Variants in ARHGEF3 observed in about 807,000 individuals in gnomAD.
ARHGEF3 encodes 59.8 kDA protein.
Under a neutral mutation model 63.2 loss-of-function variants are expected in ARHGEF3, and 28 were observed. That is an observed-to-expected ratio of 0.44 (90% CI 0.33 to 0.61). The LOEUF (loss-of-function observed/expected upper bound fraction) is 0.61, where lower values mean the gene tolerates loss of function less well. ARHGEF3 is among the 20% of genes least tolerant of loss of function. The pLI is 0.03. For synonymous variants in ARHGEF3, 266 were observed against 254.2 expected, an observed-to-expected ratio of 1.05 and a Z score of -0.44; for missense variants, 533 against 659.3, an observed-to-expected ratio of 0.81 and a Z score of 2.10.
chr3:56,840,236 A>T (rs895565912), intron 4 of ARHGEF3, among the ~76,000 whole-genome samples: 2 of 152,206 alleles, frequency 1.3e-5, no homozygotes, highest in African/African-American at 4.8e-5. Flanking sequence ...AACAACAGTC[A>T]ACAACAGGAA....
intron 1 of ARHGEF3, among the ~76,000 whole-genome samples, chr3:57,054,292 A>G (rs116311181): frequency 0.013 from 1,991 of 152,140 alleles, 44 homozygotes; most frequent in African/African-American, 0.046. Flanking sequence ...TCATTTGGAT[A>G]TTCATTTTGA....
intron 3 of ARHGEF3, among the ~76,000 whole-genome samples, chr3:56,951,023 G>C (rs1252516840): frequency 1.3e-5 from 2 of 151,564 alleles, no homozygotes; most frequent in African/African-American, 2.4e-5. Flanking sequence ...GCAAACTATC[G>C]CAAGGACAAA....
intron 1 of ARHGEF3, among the ~76,000 whole-genome samples, chr3:57,062,266 G>T (rs546671376): frequency 5.9e-5 from 9 of 152,314 alleles, no homozygotes; most frequent in Non-Finnish European, 1.2e-4. Context: ...CTGGGTGAGT[G>T]CCTTCAAGCA....
At chr3:57,074,639 T>A in intron 1 of ARHGEF3, 1 of 213,318 alleles carries the variant, frequency 4.7e-6, no homozygotes, top group Non-Finnish European at 1.0e-5. Flanking sequence ...TTCATCTCTT[T>A]ATTGTTTCTA....
chr3:57,071,732 T>C (rs759659172), intron 1 of ARHGEF3, among the ~76,000 whole-genome samples: 20 of 150,628 alleles, frequency 1.3e-4, no homozygotes, highest in Middle Eastern at 3.5e-3. Flanking sequence ...TTCTTACGTA[T>C]GACACCAAAA....
chr3:56,794,488 C>CAAAAAAAAAAAAAAAAAAAAAAAAAAA (rs10557985), intron 1 of ARHGEF3, among the ~76,000 whole-genome samples: 3 of 116,934 alleles, frequency 2.6e-5, no homozygotes, highest in African/African-American at 9.6e-5. Flanking sequence ...GACTCTATCT[C>CAAAAAAAAAAAAAAAAAAAAAAAAAAA]AAAAAAAAAA....
chr3:56,990,352 G>A (rs890328211), intron 2 of ARHGEF3, among the ~76,000 whole-genome samples: 6 of 152,244 alleles, frequency 3.9e-5, no homozygotes, highest in Admixed American at 1.3e-4. Context: ...GGGAGGCCAA[G>A]GCAGATGGAT....
intron 8 of ARHGEF3, among the ~76,000 whole-genome samples, chr3:56,734,468 G>A (rs1410474450): frequency 6.6e-6 from 1 of 152,134 alleles, no homozygotes; most frequent in Non-Finnish European, 1.5e-5. Flanking sequence ...ACTTCCTATC[G>A]AGTACTATGT....
Position 56,777,617 on chromosome 3 carries a change from T to G in ARHGEF3, c.97-3801A>C, listed in dbSNP as rs144764530. On this transcript the variant is annotated intron_variant, in intron 1 of 9. Transcript: ENST00000296315. ...AATATAATCTAGCATACTTTTTTAT[T>G]CCTCCAAAAATAGTTCCATTGAAAC... is the stretch of plus-strand genomic sequence containing the variant. Among the ~76,000 whole-genome samples, 441 of 152,302 alleles carry G rather than the reference T, an allele frequency of 2.9e-3. 3 individuals carry two copies. The highest frequency in any genetic ancestry group is 0.01 in the African/African-American group (428 of 41,558).
At position 56,823,986 on chromosome 3, in the gene ARHGEF3, G is replaced by GA. The variant is rs5849170; in HGVS notation, c.193-50171dup. The stretch of plus-strand genomic sequence containing the variant: ...CAAAGAGAAAAGATCTTGAGGAAAG[G>GA]AAAAAAAAAAAAAAAAAAACAGAAC... On this transcript the variant is annotated intron_variant, in intron 4 of 12. Coordinates refer to the ARHGEF3 transcript ENST00000338458. Among the ~76,000 whole-genome samples, 235 of 126,378 alleles carry GA rather than the reference G, an allele frequency of 1.9e-3. 3 individuals carry two copies. Among genetic ancestry groups the GA allele is most frequent in the African/African-American group, 4.1e-3 (132 of 32,262 alleles). 82.9% of individuals were successfully genotyped at this position (126,378 alleles called of 152,430 possible).
At chr3:56,926,987 A>G (rs912038805) in intron 3 of ARHGEF3, among the ~76,000 whole-genome samples, 1 of 152,228 alleles carries the variant, frequency 6.6e-6, no homozygotes, top group African/African-American at 2.4e-5. Flanking sequence ...ATGCCAAGCC[A>G]GCCGGGGTGG....
At chr3:56,842,203 G>C (rs190589025) in intron 4 of ARHGEF3, among the ~76,000 whole-genome samples, 96 of 152,284 alleles carry the variant, frequency 6.3e-4, no homozygotes, top group Admixed American at 6.2e-3. Flanking sequence ...CATGGCCCAT[G>C]CATCACCAGT....
intron 4 of ARHGEF3, among the ~76,000 whole-genome samples, chr3:56,838,462 T>C (rs2039195544): frequency 1.3e-5 from 2 of 152,166 alleles, no homozygotes; most frequent in South Asian, 2.1e-4. Flanking sequence ...GGAAATAAGA[T>C]AATAAAAAGG....
chr3:56,772,016 G>C (rs1003009736), intron 2 of ARHGEF3, among the ~76,000 whole-genome samples: 1 of 152,182 alleles, frequency 6.6e-6, no homozygotes, highest in African/African-American at 2.4e-5. Flanking sequence ...GGTCACAAGG[G>C]AGAAAAGGTA....
rs1467549683 is a variant in ARHGEF3, at chr3:56,941,303, G to A, written c.129+17520C>T. Among the ~76,000 whole-genome samples the A allele has an allele frequency of 5.9e-5, 9 of 152,320 alleles. No homozygotes were observed. The East Asian group carries it at 9.7e-4, about 16-fold the overall frequency. On this transcript the variant is annotated intron_variant, in intron 3 of 12. Coordinates refer to the ARHGEF3 transcript ENST00000338458. ...GCTCACTGCAACCTCCGCCTCCTGGGTTCAAGCAATTCTCCTGCCTCAGGC... is the reference window on the plus strand; with the variant it reads ...GCTCACTGCAACCTCCGCCTCCTGGATTCAAGCAATTCTCCTGCCTCAGGC...
intron 1 of ARHGEF3, among the ~76,000 whole-genome samples, chr3:57,077,751 C>A (rs1023736431): frequency 2.0e-5 from 3 of 152,070 alleles, no homozygotes; most frequent in African/African-American, 7.2e-5. Context: ...GGCAAACATT[C>A]AATCACACCC....
chr3:57,073,559 G>A (rs1706051599), intron 1 of ARHGEF3: 7 of 1,390,864 alleles, frequency 5.0e-6, no homozygotes, highest in Non-Finnish European at 3.8e-6. Flanking sequence ...GATTGGTGGT[G>A]GGGTGTGGCT....
At chr3:56,928,887 C>T (rs1413500260) in intron 3 of ARHGEF3, among the ~76,000 whole-genome samples, 1 of 152,184 alleles carries the variant, frequency 6.6e-6, no homozygotes, top group African/African-American at 2.4e-5. Context: ...AAATGCATTA[C>T]ATAACACACG....
At chr3:56,766,359 A>C (rs2035702215) in intron 2 of ARHGEF3, among the ~76,000 whole-genome samples, 1 of 152,178 alleles carries the variant, frequency 6.6e-6, no homozygotes, top group Non-Finnish European at 1.5e-5. Flanking sequence ...GGTTGCTAGA[A>C]ACCCTTCTTT....
Sources: gnomAD v4.1 joint callset for allele counts (sites outside exome capture counted in the v4.1 genomes callset) on GRCh38, gnomAD v4.1.1 for gene constraint, MANE v1.5 for transcripts, NCBI Gene and HGNC (gene_info 2026-07-23, HGNC 2026-07-21) for gene names.